DLG2: variants seen among roughly 807,000 people sequenced by gnomAD.
DLG2 encodes discs large MAGUK scaffold protein 2.
A neutral mutation model predicts 132.5 loss-of-function variants in DLG2; 45 were observed. The observed-to-expected ratio is 0.34, with a 90% confidence interval of 0.27 to 0.44. The LOEUF (loss-of-function observed/expected upper bound fraction) is 0.44, where lower values mean the gene tolerates loss of function less well. Ranked by LOEUF, DLG2 falls within the 20% of genes least tolerant of loss-of-function variation. The pLI, the probability that DLG2 is intolerant of heterozygous loss-of-function variation, is 1.00. For missense variants in DLG2, 1,045 were observed against 1,196.9 expected, an observed-to-expected ratio of 0.87 and a Z score of 1.87; for synonymous variants, 424 against 419.6, an observed-to-expected ratio of 1.01 and a Z score of -0.13.
intron 6 of DLG2, among the ~76,000 whole-genome samples, chr11:84,765,284 C>T (rs1401753128): frequency 1.3e-5 from 2 of 152,018 alleles, no homozygotes; most frequent in Non-Finnish European, 2.9e-5. Flanking sequence ...CATCAAATTC[C>T]TCCCTGAAAA....
chr11:84,119,806 C>T (rs1277187379), intron 9 of DLG2, among the ~76,000 whole-genome samples: 3 of 152,032 alleles, frequency 2.0e-5, no homozygotes, highest in Non-Finnish European at 4.4e-5. Flanking sequence ...TATAATAAGG[C>T]CCAACTTAGA....
intron 11 of DLG2, among the ~76,000 whole-genome samples, chr11:83,985,027 G>A (rs921142006): frequency 6.6e-6 from 1 of 152,088 alleles, no homozygotes; most frequent in Non-Finnish European, 1.5e-5. Context: ...GTTGAAACAT[G>A]TCTGAAGCAA....
chr11:84,259,503 C>T (rs1041065947), intron 7 of DLG2, among the ~76,000 whole-genome samples: 3 of 152,070 alleles, frequency 2.0e-5, no homozygotes, highest in African/African-American at 7.2e-5. Flanking sequence ...CTTACTGAGA[C>T]ACGAACAGTG....
chr11:84,487,114 A>C lies in DLG2; in HGVS notation c.519+47456T>G, dbSNP rs1409829234. Among the ~76,000 whole-genome samples, 3 of 152,124 alleles carry C rather than the reference A, an allele frequency of 2.0e-5. No homozygotes were observed. The East Asian group carries it at 5.8e-4, about 29-fold the overall frequency. ...TACCTAGTTGCTTAGGCAACCAAAA[A>C]CCAAAAGAAAAACTATGGGAAAAGG... On this transcript the variant is annotated intron_variant, in intron 7 of 27. Coordinates refer to ENST00000376104, the MANE Select transcript of DLG2 (RefSeq NM_001142699.3).
chr11:83,771,319 C>T (rs561040798), intron 18 of DLG2, among the ~76,000 whole-genome samples: 2 of 152,256 alleles, frequency 1.3e-5, no homozygotes, highest in African/African-American at 4.8e-5. Flanking sequence ...GGAAAATCTC[C>T]CACAGTGAAG....
At chr11:84,961,921 C>G (rs958381869) in intron 6 of DLG2, among the ~76,000 whole-genome samples, 3 of 152,168 alleles carry the variant, frequency 2.0e-5, no homozygotes, top group African/African-American at 7.2e-5. Context: ...CCAACTAATC[C>G]CTCCTTAGCC....
At chr11:83,752,112 G>GA (rs939083879) in intron 18 of DLG2, among the ~76,000 whole-genome samples, 9 of 151,998 alleles carry the variant, frequency 5.9e-5, no homozygotes, top group Non-Finnish European at 1.3e-4. Context: ...ACTAAAAATA[G>GA]AAAAAATCAG....
chr11:85,285,360 G>C lies in DLG2; in HGVS notation c.46C>G (p.Gln16Glu), dbSNP rs761561558. 4 of 1,609,000 alleles carry C rather than the reference G, an allele frequency of 2.5e-6. No homozygotes were observed. Among genetic ancestry groups the C allele is most frequent in the Non-Finnish European group, 3.4e-6 (4 of 1,177,342 alleles). The change falls in exon 4 of 28, where the codon CAA becomes GAA. Residue 16 changes from glutamine (Q) to glutamate (E), a missense_variant. This residue lies in a region of DLG2 where 277 missense variants were observed against 238.2 expected (regional missense o/e 1.16). Transcript: ENST00000376104. ...AGCAATGTCACCTCATAAAATTCTT[G>C]GATATCTGTAAAGAAAATGTAAGGA... ...SSLFQALLDI[Q>E]EFYEVTLLNS...
At chr11:84,584,117 T>G (rs2099523212) in intron 6 of DLG2, among the ~76,000 whole-genome samples, 1 of 152,108 alleles carries the variant, frequency 6.6e-6, no homozygotes, top group Non-Finnish European at 1.5e-5. Context: ...TAATGTCAGT[T>G]TGTTTTCTAA....
chr11:84,978,769 C>A (rs1477180801), intron 6 of DLG2, among the ~76,000 whole-genome samples: 4 of 152,168 alleles, frequency 2.6e-5, no homozygotes, highest in Admixed American at 6.5e-5. Flanking sequence ...GACGTCATGT[C>A]TAAAACACCA....
At chr11:84,061,071 T>C (rs2096584051) in intron 10 of DLG2, among the ~76,000 whole-genome samples, 1 of 152,216 alleles carries the variant, frequency 6.6e-6, no homozygotes, top group Non-Finnish European at 1.5e-5. Flanking sequence ...CCAAACAGTG[T>C]CCCGTTTTGT....
chr11:85,000,520 T>C (rs1016357345), intron 6 of DLG2, among the ~76,000 whole-genome samples: 4 of 152,156 alleles, frequency 2.6e-5, no homozygotes, highest in African/African-American at 9.7e-5. Context: ...CACAAAACAA[T>C]AATACTTGAT....
rs546175404 is a variant in DLG2 at position 85,433,871 on chromosome 11, C to T, written c.41-148506G>A. Among the ~76,000 whole-genome samples, 7 of 152,300 alleles carry T rather than the reference C, an allele frequency of 4.6e-5. No individual in the cohort carries two copies. The East Asian group carries it at 1.4e-3, about 29-fold the overall frequency. ...CCAAAACTACAGAATATACAGTCTT[C>T]TCAGTGCCACATGGCATTTACTGTA... On this transcript the variant is annotated intron_variant, in intron 3 of 27. Coordinates refer to ENST00000376104, the MANE Select transcript of DLG2 (RefSeq NM_001142699.3).
At chr11:84,526,404 A>G (rs1027587706) in intron 7 of DLG2, among the ~76,000 whole-genome samples, 21 of 152,180 alleles carry the variant, frequency 1.4e-4, no homozygotes, top group African/African-American at 5.1e-4. Context: ...GATGCAGTCC[A>G]GGTCTTGGGA....
At chr11:85,188,513 A>T (rs1203331198) in intron 4 of DLG2, among the ~76,000 whole-genome samples, 1 of 152,224 alleles carries the variant, frequency 6.6e-6, no homozygotes, top group Non-Finnish European at 1.5e-5. Context: ...AAAAGCAGTC[A>T]ACAGAAACTC....
At chr11:84,103,196 C>G (rs901933332) in intron 9 of DLG2, among the ~76,000 whole-genome samples, 1 of 152,096 alleles carries the variant, frequency 6.6e-6, no homozygotes, top group African/African-American at 2.4e-5. Context: ...TCTCTTCCAG[C>G]CTTCCCTTTT....
At chr11:84,474,938 T>C (rs79357325) in intron 7 of DLG2, among the ~76,000 whole-genome samples, 2,332 of 152,238 alleles carry the variant, frequency 0.015, 50 homozygotes, top group African/African-American at 0.053. Context: ...TGTGATAAGA[T>C]ACAGACTATC....
At chr11:84,673,464 G>A (rs1161753947) in intron 6 of DLG2, among the ~76,000 whole-genome samples, 1 of 151,848 alleles carries the variant, frequency 6.6e-6, no homozygotes, top group Admixed American at 6.6e-5. Context: ...TATACAGAGG[G>A]TGGGTAAGGG....
chr11:85,172,059 G>A (rs1369009859), intron 4 of DLG2, among the ~76,000 whole-genome samples: 2 of 152,350 alleles, frequency 1.3e-5, no homozygotes, highest in South Asian at 4.1e-4. Flanking sequence ...CATTCTGGAC[G>A]AGGGGGGGTT....
Sources: allele counts gnomAD v4.1 joint callset (sites outside exome capture counted in the v4.1 genomes callset), GRCh38; gene constraint gnomAD v4.1.1; regional missense constraint gnomAD v4.1.1; transcripts MANE v1.5; gene names NCBI Gene and HGNC (gene_info 2026-07-23, HGNC 2026-07-21).